PCDHGB3: variants seen among roughly 807,000 people sequenced by gnomAD.
PCDHGB3 encodes the protein protocadherin gamma-B3.
Under a neutral mutation model 59.2 loss-of-function variants are expected in PCDHGB3, and 40 were observed. The ratio of observed to expected loss-of-function variants is 0.68; its 90% CI spans 0.52 to 0.88. The LOEUF (loss-of-function observed/expected upper bound fraction) is 0.88. Among genes scored for constraint, PCDHGB3 ranks in the 40% least tolerant of loss-of-function variants. The pLI, the probability that PCDHGB3 is intolerant of heterozygous loss-of-function variation, is 0.00. For missense variants in PCDHGB3, 1,309 were observed against 1,187.9 expected (o/e 1.10, Z -1.50); for synonymous variants, 581 against 503.6 (o/e 1.15, Z -2.06).
intron 1 of PCDHGB3, among the ~76,000 whole-genome samples, chr5:141,482,052 T>G (rs2099551017): frequency 6.7e-6 from 1 of 150,154 alleles, no homozygotes; most frequent in Non-Finnish European, 1.5e-5. Flanking sequence ...GCTGTTGCAT[T>G]CCAGCCTGGG....
At chr5:141,465,657 G>A (rs904553709) in intron 1 of PCDHGB3, among the ~76,000 whole-genome samples, 4 of 152,130 alleles carry the variant, frequency 2.6e-5, no homozygotes, top group East Asian at 1.9e-4. Flanking sequence ...CCAAAAAAGC[G>A]CTTGCCATGA....
chr5:141,489,660 G>A lies in PCDHGB3; in HGVS notation c.2416-5147G>A, dbSNP rs763985085. 3 of 1,614,096 alleles carry A rather than the reference G, an allele frequency of 1.9e-6. No individual in the cohort carries two copies. Among genetic ancestry groups the A allele is most frequent in the Non-Finnish European group, 2.5e-6 (3 of 1,180,036 alleles). On this transcript the variant is annotated intron_variant, in intron 1 of 3. Coordinates refer to ENST00000576222, the MANE Select transcript of PCDHGB3 (RefSeq NM_018924.5). The surrounding 1 kb of genome is among the most constrained non-coding windows in gnomAD (Gnocchi z 4.5). Reference sequence around the variant, plus strand: ...GCTTTGCCACCCCTGAGCGAGAGATGCGCATCTCAGAATCAGCAGCATCTG... The same window carrying A: ...GCTTTGCCACCCCTGAGCGAGAGATACGCATCTCAGAATCAGCAGCATCTG...
rs1231121250 is a variant in PCDHGB3 at position 141,399,544 on chromosome 5, T to G, written c.2415+26735T>G. The G allele has an allele frequency of 5.6e-6, 9 of 1,614,022 alleles. No individual in the cohort carries two copies. The highest frequency in any genetic ancestry group is 7.6e-6 in the Non-Finnish European group (9 of 1,179,882). ...GGCCTCCATCGCGCAAGTCTGCGCCTCGGACCTGGACTTGGGGTTGAACGG... is the reference window on the plus strand; with the variant it reads ...GGCCTCCATCGCGCAAGTCTGCGCCGCGGACCTGGACTTGGGGTTGAACGG... On this transcript the variant is annotated intron_variant, in intron 1 of 3. Transcript: ENST00000576222.
At chr5:141,420,094 G>A in intron 1 of PCDHGB3, 7 of 1,614,058 alleles carry the variant, frequency 4.3e-6, no homozygotes, top group Non-Finnish European at 5.9e-6. Flanking sequence ...ACTACAGTGA[G>A]GGAACGTTGC....
chr5:141,409,459 T>A lies in PCDHGB3; in HGVS notation c.2415+36650T>A, dbSNP rs139792503. 3.7e-6 allele frequency: 6 copies of A among 1,613,832 alleles called. 1 individual carries two copies. The highest frequency in any genetic ancestry group is 3.3e-4 in the Middle Eastern group (2 of 6,084). ...ACCGAGAGCAGACACCAGAATACAATGTCACCATCGTAGCCACTGACAGGG... is the reference window on the plus strand; with the variant it reads ...ACCGAGAGCAGACACCAGAATACAAAGTCACCATCGTAGCCACTGACAGGG... On this transcript the variant is annotated intron_variant, in intron 1 of 3. Transcript: ENST00000576222.
chr5:141,485,380 G>A lies in PCDHGB3; in HGVS notation c.2416-9427G>A. The A allele has an allele frequency of 1.9e-6, 3 of 1,614,146 alleles. No individual in the cohort carries two copies. The highest frequency in any genetic ancestry group is 2.5e-6 in the Non-Finnish European group (3 of 1,180,032). On this transcript the variant is annotated intron_variant, in intron 1 of 3. Coordinates refer to ENST00000576222, the MANE Select transcript of PCDHGB3 (RefSeq NM_018924.5). This position sits in a 1 kb window ranked among gnomAD's most constrained non-coding sequence, Gnocchi z 5.7. ...CTCGCAGGCTGCAGGTCGCTGGAGA[G>A]GTGAACCAAAGACACTTCCGTGTGG... is the stretch of plus-strand genomic sequence containing the variant.
rs564486909 is a variant in PCDHGB3, at chr5:141,428,072, G to C, written c.2415+55263G>C. ...AGGTGGTGGCGGTGGACGCAGATTC[G>C]GGACACAACGCTTGGCTGTCCTACC... is the stretch of plus-strand genomic sequence containing the variant. On this transcript the variant is annotated intron_variant, in intron 1 of 3. Transcript: ENST00000576222. 5 of 1,609,080 alleles carry C rather than the reference G, an allele frequency of 3.1e-6. 1 individual carries two copies. The South Asian group carries it at 5.5e-5, about 18-fold the overall frequency.
rs1156915249 is a variant in PCDHGB3, at chr5:141,426,840, G to C, written c.2415+54031G>C. 8.8e-6 allele frequency: 4 copies of C among 456,584 alleles called. No individual in the cohort carries two copies. In the East Asian group the frequency reaches 2.8e-4, roughly 32 times the overall value. The allele number at this position is 456,584 out of a possible 1,614,324, so 28.3% of individuals were successfully genotyped here. A position where few individuals can be genotyped will look rare whatever the true frequency, so the allele number is the denominator to read the frequency against. On this transcript the variant is annotated intron_variant, in intron 1 of 3. Transcript: ENST00000576222. Reference sequence around the variant, plus strand: ...CTCTCTGATGATGGACAAGACTAAAGGCAAGAACGCTCCAGAATTAGTGCT... The same window carrying C: ...CTCTCTGATGATGGACAAGACTAAACGCAAGAACGCTCCAGAATTAGTGCT...
At chr5:141,398,293 T>A in intron 1 of PCDHGB3, 1 of 1,383,344 alleles carries the variant, frequency 7.2e-7, no homozygotes, top group Non-Finnish European at 9.9e-7. Flanking sequence ...GGACCTGGGG[T>A]TCAGCGTCCA....
intron 1 of PCDHGB3, chr5:141,383,918 T>A (rs1779590334): frequency 3.7e-6 from 6 of 1,613,948 alleles, no homozygotes; most frequent in Non-Finnish European, 5.1e-6. Flanking sequence ...GTTTTAGATG[T>A]AAATGATAAT....
intron 1 of PCDHGB3, chr5:141,421,424 G>A: frequency 6.2e-7 from 1 of 1,614,092 alleles, no homozygotes. Context: ...CGCGGAGTCC[G>A]CATCGTCTCC....
chr5:141,437,377 A>G (rs1021305426), intron 1 of PCDHGB3, among the ~76,000 whole-genome samples: 3 of 152,246 alleles, frequency 2.0e-5, no homozygotes, highest in Non-Finnish European at 2.9e-5. Flanking sequence ...AATCAGTCAG[A>G]AGACATTCAT....
intron 1 of PCDHGB3, chr5:141,393,455 C>T (rs1007871650): frequency 2.1e-5 from 34 of 1,613,942 alleles, no homozygotes; most frequent in Non-Finnish European, 2.9e-5. Flanking sequence ...TCCTCACGGC[C>T]TCGGATGGCG....
intron 1 of PCDHGB3, chr5:141,430,604 A>C (rs1288378907): frequency 7.8e-6 from 5 of 641,158 alleles, no homozygotes; most frequent in Non-Finnish European, 1.2e-5. Context: ...CGCCTGAAGC[A>C]CAAAGCAGAT....
intron 1 of PCDHGB3, among the ~76,000 whole-genome samples, chr5:141,447,353 G>C (rs559895274): frequency 6.6e-6 from 1 of 152,032 alleles, no homozygotes; most frequent in Admixed American, 6.6e-5. Context: ...TGGTCAGGCT[G>C]GTCTCAAACT....
In PCDHGB3 at chr5:141,431,159, C is replaced by A. The variant is rs1017606383; in HGVS notation, c.2415+58350C>A. On this transcript the variant is annotated intron_variant, in intron 1 of 3. Coordinates refer to ENST00000576222, the MANE Select transcript of PCDHGB3 (RefSeq NM_018924.5). The surrounding 1 kb of genome is among the most constrained non-coding windows in gnomAD (Gnocchi z 4.8). The stretch of plus-strand genomic sequence containing the variant: ...CATTAACGACAATGCGCCTTACTTT[C>A]GTGAAAGTGAATTAGAAATAAAAAT... The A allele has an allele frequency of 6.2e-7, 1 of 1,614,158 alleles. No homozygotes were observed. The highest frequency in any genetic ancestry group is 1.3e-5 in the African/African-American group (1 of 75,046).
chr5:141,509,132 G>A (rs1261849657), intron 3 of PCDHGB3, among the ~76,000 whole-genome samples: 1 of 152,150 alleles, frequency 6.6e-6, no homozygotes, highest in Admixed American at 6.5e-5. Flanking sequence ...GAGAAAAACC[G>A]AGGCGCATCC....
chr5:141,433,408 A>ATCTATCT (rs1413347413), intron 1 of PCDHGB3, among the ~76,000 whole-genome samples: 44 of 127,346 alleles, frequency 3.5e-4, no homozygotes, highest in African/African-American at 1.2e-3. Context: ...TCTATCTATT[A>ATCTATCT]CTTTCTTGTA....
intron 1 of PCDHGB3, chr5:141,392,765 C>T (rs952463522): frequency 2.7e-6 from 4 of 1,482,974 alleles, no homozygotes; most frequent in Admixed American, 5.1e-5. Flanking sequence ...TAAATAAGAC[C>T]CATTTATGCA....
Sources: gnomAD v4.1 joint callset for allele counts (sites outside exome capture counted in the v4.1 genomes callset) on GRCh38, gnomAD v4.1.1 for gene constraint, Gnocchi (gnomAD v3.1) non-coding constraint, MANE v1.5 for transcripts, NCBI Gene and HGNC (gene_info 2026-07-23, HGNC 2026-07-21) for gene names.